BRWD1: variants seen among roughly 807,000 people sequenced by gnomAD.
BRWD1 encodes bromodomain and WD repeat domain containing 1, also known as bromodomain and WD repeat-containing protein 1.
Under a neutral mutation model 251.2 loss-of-function variants are expected in BRWD1, and 82 were observed. That is an observed-to-expected ratio of 0.33 (90% CI 0.27 to 0.39). The LOEUF (loss-of-function observed/expected upper bound fraction) is 0.39, where lower values mean the gene tolerates loss of function less well. Ranked by LOEUF, BRWD1 falls within the 10% of genes least tolerant of loss-of-function variation. The probability of loss-of-function intolerance (pLI) is 1.00; values close to 1 mark genes in which losing one functional copy is unlikely to be tolerated. For missense variants in BRWD1, 2,233 were observed against 2,711.6 expected, an observed-to-expected ratio of 0.82 and a Z score of 3.92; for synonymous variants, 918 against 902.8, an observed-to-expected ratio of 1.02 and a Z score of -0.30.
In BRWD1 at chr21:39,192,969, C is replaced by T. The variant is rs1473097182; in HGVS notation, c.*3290G>A. On this transcript the variant is annotated 3_prime_UTR_variant, in exon 41 of 41. Transcript: ENST00000342449. ...TAGAAGACAGAGGGAATGTAGTGTG[C>T]ACCCCTTATTCTAAGTGATAATTTT... The T allele has an allele frequency of 5.1e-6, 5 of 984,400 alleles. No homozygotes were observed. The highest frequency in any genetic ancestry group is 6.0e-6 in the Non-Finnish European group (5 of 829,268). 61.0% of individuals were successfully genotyped at this position (984,400 alleles called of 1,614,324 possible).
chr21:39,285,372 C>T (rs918436236), intron 8 of BRWD1, among the ~76,000 whole-genome samples: 17 of 152,060 alleles, frequency 1.1e-4, no homozygotes, highest in African/African-American at 4.1e-4. Context: ...TATTAAGTTA[C>T]AATCAGACAG....
At chr21:39,271,008 T>C (rs1275103847) in intron 13 of BRWD1, among the ~76,000 whole-genome samples, 1 of 152,188 alleles carries the variant, frequency 6.6e-6, no homozygotes, top group African/African-American at 2.4e-5. Context: ...AAAAGTGTTA[T>C]GGAGGGCCAG....
At position 39,187,298 on chromosome 21, in the gene BRWD1, G is replaced by C. The variant is rs765337070; in HGVS notation, c.*8961C>G. 18 of 1,613,910 alleles carry C rather than the reference G, an allele frequency of 1.1e-5. No individual in the cohort carries two copies. Among genetic ancestry groups the C allele is most frequent in the Non-Finnish European group, 1.4e-5 (17 of 1,179,918 alleles). On this transcript the variant is annotated 3_prime_UTR_variant, in exon 41 of 41. Transcript: ENST00000342449. ...GCAGCAACAGTAGCACATCTGCGGG[G>C]AACTTTCTCAGGTACCATTTTTGCT... is the stretch of plus-strand genomic sequence containing the variant.
In BRWD1 at chr21:39,186,949, G is replaced by A; in HGVS notation, c.*9310C>T. 6.7e-7 allele frequency: 1 copy of A among 1,498,996 alleles called. No individual in the cohort carries two copies. Among genetic ancestry groups the A allele is most frequent in the South Asian group, 1.4e-5 (1 of 69,668 alleles). 92.9% of individuals were successfully genotyped at this position (1,498,996 alleles called of 1,614,324 possible). ...ATGCCAATAAGGGAGTAATTTTAGA[G>A]CTGGGAGCAGAATGTAACTGCCAGT... On this transcript the variant is annotated 3_prime_UTR_variant, in exon 41 of 41. Transcript: ENST00000342449.
Position 39,197,301 on chromosome 21 carries a change from C to T in BRWD1, c.5768G>A (p.Gly1923Asp), listed in dbSNP as rs780500016. The T allele has an allele frequency of 2.5e-6, 4 of 1,613,874 alleles. No individual in the cohort carries two copies. Among genetic ancestry groups the T allele is most frequent in the East Asian group, 2.2e-5 (1 of 44,894 alleles). The change falls in exon 41 of 41, where the codon GGT (glycine) becomes GAT (aspartate). Residue 1923 changes from glycine to aspartate, a missense_variant. By Grantham distance (94) the Gly-to-Asp change is moderately conservative (BLOSUM62 -1). Transcript: ENST00000342449. Reference protein sequence around the residue: ...VVKKSSKARTGLLRITRRCAA... With the variant: ...VVKKSSKARTDLLRITRRCAA... ...ACATCTTCGAGTAATCCTCAGGAGA[C>T]CTGTTCTGGCTTTTGATGATTTCTT...
chr21:39,311,456 C>G (rs1464890035), intron 4 of BRWD1, among the ~76,000 whole-genome samples: 1 of 152,138 alleles, frequency 6.6e-6, no homozygotes, highest in Admixed American at 6.5e-5. Flanking sequence ...CACCCAGCCC[C>G]TATAAATGTA....
intron 8 of BRWD1, among the ~76,000 whole-genome samples, chr21:39,286,503 T>C (rs551500893): frequency 1.3e-4 from 20 of 151,096 alleles, no homozygotes; most frequent in Non-Finnish European, 2.2e-4. Context: ...AAAAGTTTTT[T>C]ATTTCCAGTA....
At chr21:39,299,033 G>A (rs1364987748) in intron 4 of BRWD1, among the ~76,000 whole-genome samples, 1 of 152,104 alleles carries the variant, frequency 6.6e-6, no homozygotes, top group Non-Finnish European at 1.5e-5. Context: ...AGACCAGCCT[G>A]ACCAACATGG....
chr21:39,288,695 T>C (rs2035717218), intron 8 of BRWD1, among the ~76,000 whole-genome samples: 1 of 152,182 alleles, frequency 6.6e-6, no homozygotes, highest in Non-Finnish European at 1.5e-5. Flanking sequence ...TTTTATATAA[T>C]GTATTCTTAT....
chr21:39,292,145 C>T (rs1472103677), intron 8 of BRWD1, among the ~76,000 whole-genome samples: 4 of 112,496 alleles, frequency 3.6e-5, no homozygotes, highest in African/African-American at 1.3e-4. Flanking sequence ...GGGGGGGGGT[C>T]TCACTAAGTT....
In BRWD1 at chr21:39,196,789, G is replaced by A. The variant is rs574718043; in HGVS notation, c.6280C>T (p.Arg2094Cys). The change falls in exon 41 of 41, where the codon CGC becomes TGC. Residue 2094 changes from arginine to cysteine, a missense_variant. By Grantham distance (180) the Arg-to-Cys change is radical. This residue lies in a region of BRWD1 where 928 missense variants were observed against 970.0 expected (regional missense o/e 0.96). Coordinates refer to ENST00000342449, the MANE Select transcript of BRWD1 (RefSeq NM_033656.4). ...CTGAGTCTTCTGCCATTCCACCTGC[G>A]CAGCCCATAATTCAGTTCCACTTCA... is the stretch of plus-strand genomic sequence containing the variant. ...NFEVELNYGL[R>C]RWNGRRLRTY... 8.1e-5 allele frequency: 130 copies of A among 1,612,962 alleles called. No homozygotes were observed. Among genetic ancestry groups the A allele is most frequent in the East Asian group, 6.5e-4 (29 of 44,874 alleles).
chr21:39,292,554 C>T (rs1165552909), intron 8 of BRWD1, among the ~76,000 whole-genome samples: 1 of 152,108 alleles, frequency 6.6e-6, no homozygotes, highest in Non-Finnish European at 1.5e-5. Flanking sequence ...GGAGTAGTGC[C>T]TAACAATGTT....
intron 36 of BRWD1, among the ~76,000 whole-genome samples, chr21:39,208,692 C>T (rs144815760): frequency 6.6e-6 from 1 of 152,176 alleles, no homozygotes; most frequent in Non-Finnish European, 1.5e-5. Context: ...TCTCATGCCT[C>T]GTGCCTATAG....
At position 39,293,774 on chromosome 21, in the gene BRWD1, T is replaced by C. The variant is rs1252733323; in HGVS notation, c.831+37A>G. ...ACTGTTTTAAAGAAAAAGGTGAAAATACATATAGGAATGTGCCCACTAAGC... is the reference window on the plus strand; with the variant it reads ...ACTGTTTTAAAGAAAAAGGTGAAAACACATATAGGAATGTGCCCACTAAGC... On this transcript the variant is annotated intron_variant, in intron 8 of 40. Transcript: ENST00000342449. 10 of 1,517,850 alleles carry C rather than the reference T, an allele frequency of 6.6e-6. No individual in the cohort carries two copies. In the East Asian group the frequency reaches 1.4e-4, roughly 21 times the overall value. 94.0% of individuals were successfully genotyped at this position (1,517,850 alleles called of 1,614,324 possible). A position where few individuals can be genotyped will look rare whatever the true frequency, so the allele number is the denominator to read the frequency against.
chr21:39,277,452 T>G, intron 10 of BRWD1, 101 bp from the exon 11 acceptor site: 1 of 713,110 alleles, frequency 1.4e-6, no homozygotes, highest in Non-Finnish European at 2.1e-6. Flanking sequence ...TCATTTACCC[T>G]AAAACTAAGT....
At chr21:39,287,199 T>G (rs1004498236) in intron 8 of BRWD1, among the ~76,000 whole-genome samples, 1 of 152,230 alleles carries the variant, frequency 6.6e-6, no homozygotes, top group Non-Finnish European at 1.5e-5. Context: ...TCAAGCATCC[T>G]TTACAGCTTT....
rs2032162704 is a variant in BRWD1, at chr21:39,202,529, T to A, written c.4381A>T (p.Arg1461Trp). 1.9e-6 allele frequency: 3 copies of A among 1,608,960 alleles called. No individual in the cohort carries two copies. The highest frequency in any genetic ancestry group is 1.7e-5 in the Admixed American group (1 of 59,920). The change falls in exon 38 of 41, where the codon AGG becomes TGG. Residue 1461 changes from arginine (R) to tryptophan (W), a missense_variant. By Grantham distance (101) the Arg-to-Trp change is moderately radical. This residue lies in a region of BRWD1 where 928 missense variants were observed against 970.0 expected (regional missense o/e 0.96). Transcript: ENST00000342449. The stretch of plus-strand genomic sequence containing the variant: ...ATTATTTTTGTCTGAGATTTTAACC[T>A]CTTCGGCTTGAGGTTTCTGGCCAAA... ...NKSIRNLKPK[R>W]LKSQTKIIPE...
Position 39,191,237 on chromosome 21 carries a change from TCG to T in BRWD1, c.*5020_*5021del. On this transcript the variant is annotated 3_prime_UTR_variant, in exon 41 of 41. Transcript: ENST00000342449. ...CCCCTTTTCCAGCAGGGCTCCTGACTCGCTTCAGTTCCCCTATCCAAGCTCAT... is the reference window on the plus strand; with the variant it reads ...CCCCTTTTCCAGCAGGGCTCCTGACTCTTCAGTTCCCCTATCCAAGCTCAT... 1.3e-5 allele frequency: 13 copies of T among 985,272 alleles called. No individual in the cohort carries two copies. The highest frequency in any genetic ancestry group is 1.6e-5 in the Non-Finnish European group (13 of 829,908). 61.0% of individuals were successfully genotyped at this position (985,272 alleles called of 1,614,324 possible).
intron 21 of BRWD1, among the ~76,000 whole-genome samples, chr21:39,244,727 C>T (rs1034831483): frequency 6.6e-6 from 1 of 151,858 alleles, no homozygotes; most frequent in Non-Finnish European, 1.5e-5. Context: ...CTGTGTTGGG[C>T]AAATTCAAGG....
Sources: allele counts gnomAD v4.1 joint callset (sites outside exome capture counted in the v4.1 genomes callset), GRCh38; gene constraint gnomAD v4.1.1; regional missense constraint gnomAD v4.1.1; transcripts MANE v1.5; gene names NCBI Gene and HGNC (gene_info 2026-07-23, HGNC 2026-07-21).